VWA8: variants seen among roughly 807,000 people sequenced by gnomAD.
The protein encoded by VWA8 is von Willebrand factor A domain containing 8.
VWA8 carries 221 observed loss-of-function variants against 241.5 expected under a neutral mutation model. The ratio of observed to expected loss-of-function variants is 0.91; its 90% confidence interval spans 0.82 to 1.02. The LOEUF is 1.02. Among genes scored for constraint, VWA8 ranks in the 50% least tolerant of loss-of-function variants. VWA8 has a pLI of 0.00. For synonymous variants in VWA8, 852 were observed against 827.1 expected, an observed-to-expected ratio of 1.03 and a Z score of -0.52; for missense variants, 2,322 against 2,328.7, an observed-to-expected ratio of 1.00 and a Z score of 0.06.
At chr13:41,928,265 T>A (rs945380258) in intron 2 of VWA8, among the ~76,000 whole-genome samples, 3 of 152,178 alleles carry the variant, frequency 2.0e-5, no homozygotes, top group African/African-American at 7.2e-5. Flanking sequence ...AACAGACATA[T>A]TTGAAATTTT....
intron 37 of VWA8, among the ~76,000 whole-genome samples, chr13:41,628,269 T>C (rs182893318): frequency 2.0e-4 from 30 of 152,234 alleles, no homozygotes; most frequent in Non-Finnish European, 3.7e-4. Context: ...GATGGGAAGG[T>C]AAATTAGTTC....
chr13:41,867,136 C>T (rs1007297053), intron 10 of VWA8, among the ~76,000 whole-genome samples: 1 of 152,162 alleles, frequency 6.6e-6, no homozygotes, highest in Non-Finnish European at 1.5e-5. Flanking sequence ...CAAAGGGAAG[C>T]AAATAATGAA....
chr13:41,829,741 A>G (rs1186809686), intron 14 of VWA8, among the ~76,000 whole-genome samples: 1 of 152,158 alleles, frequency 6.6e-6, no homozygotes, highest in Non-Finnish European at 1.5e-5. Flanking sequence ...CTATGAGGAC[A>G]CAAAGCATAA....
At chr13:41,666,614 A>C (rs1425211215) in intron 37 of VWA8, among the ~76,000 whole-genome samples, 2 of 152,146 alleles carry the variant, frequency 1.3e-5, no homozygotes, top group South Asian at 2.1e-4. Context: ...TGCAAAATGG[A>C]AACTGGCAAA....
At chr13:41,739,848 G>GTTTTTTTTTTTTTTTTTTT (rs1179107917) in intron 21 of VWA8, among the ~76,000 whole-genome samples, 2 of 50,894 alleles carry the variant, frequency 3.9e-5, no homozygotes, top group Non-Finnish European at 4.4e-5. Flanking sequence ...TGTTTTTTTT[G>GTTTTTTTTTTTTTTTTTTT]TTTTTTTTGT....
chr13:41,634,708 G>GAAAAA (rs34688799), intron 37 of VWA8, among the ~76,000 whole-genome samples: 6 of 144,724 alleles, frequency 4.1e-5, no homozygotes, highest in African/African-American at 1.3e-4. Flanking sequence ...TCTTCAAAGT[G>GAAAAA]AAAAAAAAAA....
intron 19 of VWA8, 94 bp downstream of exon 19, chr13:41,783,701 A>G: frequency 2.3e-6 from 2 of 888,618 alleles, no homozygotes; most frequent in Non-Finnish European, 1.7e-6. Context: ...AATTTAGGAA[A>G]TCACAAAAAT....
intron 19 of VWA8, among the ~76,000 whole-genome samples, chr13:41,782,699 T>G (rs894488658): frequency 1.3e-5 from 2 of 152,062 alleles, no homozygotes; most frequent in African/African-American, 4.8e-5. Context: ...AAGAATAATA[T>G]GTCTAGATAC....
intron 44 of VWA8, among the ~76,000 whole-genome samples, chr13:41,570,107 C>T (rs1042130462): frequency 1.1e-4 from 17 of 152,150 alleles, no homozygotes; most frequent in Admixed American, 3.9e-4. Flanking sequence ...TAGATGTTCA[C>T]GATTTTTAAT....
At chr13:41,933,137 C>A (rs180756018) in intron 2 of VWA8, among the ~76,000 whole-genome samples, 1 of 151,816 alleles carries the variant, frequency 6.6e-6, no homozygotes, top group East Asian at 1.9e-4. Context: ...GAGTTTTGCA[C>A]GGCCTCAAGA....
chr13:41,581,506 C>T (rs2044383422), intron 42 of VWA8, among the ~76,000 whole-genome samples: 1 of 152,144 alleles, frequency 6.6e-6, no homozygotes, highest in South Asian at 2.1e-4. Context: ...ATGAAACATC[C>T]TGCATTATCT....
rs868319717 is a variant in VWA8 at position 41,961,098 on chromosome 13, G to C, written c.-83C>G. 7.9e-7 allele frequency: 1 copy of C among 1,261,482 alleles called. No homozygotes were observed. Among genetic ancestry groups the C allele is most frequent in the Non-Finnish European group, 1.0e-6 (1 of 978,998 alleles). The allele number at this position is 1,261,482 out of a possible 1,614,324, so 78.1% of individuals were successfully genotyped here. A position where few individuals can be genotyped will look rare whatever the true frequency, so the allele number is the denominator to read the frequency against. On this transcript the variant is annotated 5_prime_UTR_variant, in exon 1 of 45. Coordinates refer to ENST00000379310, the MANE Select transcript of VWA8 (RefSeq NM_015058.2). ...TGCAGGCACCGTGAGGCAGCGCGGA[G>C]AAGGGGACAGGAAGCGGCACCTAGC...
chr13:41,597,126 A>G (rs573532395), intron 40 of VWA8, among the ~76,000 whole-genome samples: 107 of 152,218 alleles, frequency 7.0e-4, no homozygotes, highest in African/African-American at 2.5e-3. Context: ...ATCATCAAGA[A>G]ATATTTGTTG....
At chr13:41,597,640 T>G in intron 40 of VWA8, among the ~76,000 whole-genome samples, 1 of 152,158 alleles carries the variant, frequency 6.6e-6, no homozygotes, top group Admixed American at 6.6e-5. Flanking sequence ...CTAAAATTAT[T>G]TCAGGTCTTT....
At chr13:41,593,033 T>TCCACTTTAA (rs2044466433) in intron 40 of VWA8, among the ~76,000 whole-genome samples, 1 of 152,156 alleles carries the variant, frequency 6.6e-6, no homozygotes, top group Non-Finnish European at 1.5e-5. Flanking sequence ...CTTCCATCAG[T>TCCACTTTAA]GTTTCATGGG....
In VWA8 at chr13:41,732,088, A is replaced by G. The variant is rs762176426; in HGVS notation, c.2494T>C (p.Ser832Pro). The part of the protein sequence containing the change: ...VKDGLIVYED[S>P]PLVKAVKLGH... ...ATGATTAGGTTACTAACCAAAGGTG[A>G]GTCTTCATATACAATAAGTCCGTCT... is the stretch of plus-strand genomic sequence containing the variant. Residue 832 changes from serine to proline, a missense_variant, in exon 22 of 45, where the codon TCA (serine) becomes CCA (proline). Coordinates refer to ENST00000379310, the MANE Select transcript of VWA8 (RefSeq NM_015058.2). 1.2e-6 allele frequency: 2 copies of G among 1,612,858 alleles called. No homozygotes were observed. Among genetic ancestry groups the G allele is most frequent in the Admixed American group, 3.3e-5 (2 of 59,990 alleles).
intron 12 of VWA8, among the ~76,000 whole-genome samples, chr13:41,835,573 A>G (rs909636664): frequency 6.6e-6 from 1 of 152,180 alleles, no homozygotes; most frequent in Non-Finnish European, 1.5e-5. Flanking sequence ...TCCTGGGCCC[A>G]AGCAAAAGAT....
chr13:41,787,721 CTT>C (rs1424498632), intron 17 of VWA8, among the ~76,000 whole-genome samples, 178 bp from the exon 18 acceptor site: 1 of 151,906 alleles, frequency 6.6e-6, no homozygotes, highest in African/African-American at 2.4e-5. Context: ...TAAATATAAA[CTT>C]AATGTACGTG....
intron 2 of VWA8, among the ~76,000 whole-genome samples, chr13:41,916,192 GT>G (rs1163035719): frequency 3.9e-5 from 6 of 152,184 alleles, no homozygotes; most frequent in Non-Finnish European, 8.8e-5. Flanking sequence ...AGTAAATGCT[GT>G]GTTTGTTAAA....
Sources: gnomAD v4.1 joint callset for allele counts (sites outside exome capture counted in the v4.1 genomes callset) on GRCh38, gnomAD v4.1.1 for gene constraint, MANE v1.5 for transcripts, NCBI Gene and HGNC (gene_info 2026-07-23, HGNC 2026-07-21) for gene names.